MAP2K5: variants seen among roughly 807,000 people sequenced by gnomAD.
The protein encoded by MAP2K5 is mitogen-activated protein kinase kinase 5.
Under a neutral mutation model 83.1 loss-of-function variants are expected in MAP2K5, and 49 were observed. The ratio of observed to expected loss-of-function variants is 0.59; its 90% CI spans 0.47 to 0.75. MAP2K5 has a LOEUF of 0.75. Ranked by LOEUF, MAP2K5 falls within the 30% of genes least tolerant of loss-of-function variation. The pLI is 0.00. For missense variants in MAP2K5, 457 were observed against 557.5 expected (o/e 0.82, Z 1.82); for synonymous variants, 202 against 191.8 (o/e 1.05, Z -0.44).
In MAP2K5 at chr15:67,563,436, A is replaced by G. The variant is rs916192234; in HGVS notation, c.252+86A>G. On this transcript the variant is annotated intron_variant, in intron 3 of 21. Transcript: ENST00000178640. This position sits in a 1 kb window ranked among gnomAD's most constrained non-coding sequence, Gnocchi z 4.5. ...TCTTGGGCATAGTGAAGACGAGTAA[A>G]TAAATCACAGTTGTCATACATTTTT... 5 of 1,483,284 alleles carry G rather than the reference A, an allele frequency of 3.4e-6. No homozygotes were observed. The African/African-American group carries it at 5.6e-5, about 17-fold the overall frequency. 91.9% of individuals were successfully genotyped at this position (1,483,284 alleles called of 1,614,324 possible).
rs765718143 is a variant in MAP2K5 at position 67,592,933 on chromosome 15, A to G, written c.439A>G (p.Lys147Glu). 3 of 1,608,688 alleles carry G rather than the reference A, an allele frequency of 1.9e-6. No homozygotes were observed. The South Asian group carries it at 3.3e-5, about 18-fold the overall frequency. The change falls in exon 7 of 22, where the codon AAG becomes GAG. Residue 147 changes from lysine (K) to glutamate (E), a missense_variant. This residue lies in a region of MAP2K5 where 234 missense variants were observed against 243.6 expected (regional missense o/e 0.96). Coordinates refer to ENST00000178640, the MANE Select transcript of MAP2K5 (RefSeq NM_145160.3). ...ATTATCTTTCCTTTTCAGCTTAAAGAAGTCTTCTGCTGAACTGAAAAAAAT... is the reference window on the plus strand; with the variant it reads ...ATTATCTTTCCTTTTCAGCTTAAAGGAGTCTTCTGCTGAACTGAAAAAAAT... ...SDSLPSNSLK[K>E]SSAELKKILA...
chr15:67,583,952 T>C (rs1171574132), intron 4 of MAP2K5, among the ~76,000 whole-genome samples: 1 of 149,204 alleles, frequency 6.7e-6, no homozygotes, highest in Non-Finnish European at 1.5e-5. Flanking sequence ...TATCACAGTG[T>C]TGCCCAGGCT....
rs1207127602 is a variant in MAP2K5, at chr15:67,698,218, C to G, written c.972+4650C>G. On this transcript the variant is annotated intron_variant, in intron 15 of 21. Transcript: ENST00000178640. The surrounding 1 kb of genome is among the most constrained non-coding windows in gnomAD (Gnocchi z 4.5). ...TATTTTTTTTTTCTTGAGATGAAGTCTCACCCTGTCCCCCAGGCTGGAGTG... is the reference window on the plus strand; with the variant it reads ...TATTTTTTTTTTCTTGAGATGAAGTGTCACCCTGTCCCCCAGGCTGGAGTG... 6.6e-6 allele frequency among the ~76,000 whole-genome samples: 1 copy of G among 151,754 alleles called. No individual in the cohort carries two copies. The highest frequency in any genetic ancestry group is 1.5e-5 in the Non-Finnish European group (1 of 67,966).
chr15:67,763,707 G>T (rs1387424214), intron 19 of MAP2K5, among the ~76,000 whole-genome samples: 1 of 151,888 alleles, frequency 6.6e-6, no homozygotes, highest in African/African-American at 2.4e-5. Context: ...TGCCCTATGG[G>T]TTCTGCCAGT....
chr15:67,751,817 T>C (rs949587495), intron 19 of MAP2K5, among the ~76,000 whole-genome samples: 5 of 152,204 alleles, frequency 3.3e-5, no homozygotes, highest in Admixed American at 3.3e-4. Flanking sequence ...TTTCACTGAA[T>C]TTTACCAACC....
chr15:67,613,908 G>A (rs1387277506), intron 8 of MAP2K5, among the ~76,000 whole-genome samples: 2 of 152,218 alleles, frequency 1.3e-5, no homozygotes, highest in South Asian at 2.1e-4. Context: ...ACTATTTAGT[G>A]TTCTAGAAGA....
chr15:67,653,462 A>G (rs2086998459), intron 11 of MAP2K5, among the ~76,000 whole-genome samples: 1 of 151,728 alleles, frequency 6.6e-6, no homozygotes, highest in Non-Finnish European at 1.5e-5. Flanking sequence ...ATGCCCTGCT[A>G]ATTTTGTATT....
At chr15:67,700,887 A>G (rs2088400507) in intron 15 of MAP2K5, among the ~76,000 whole-genome samples, 1 of 150,262 alleles carries the variant, frequency 6.7e-6, no homozygotes, top group Non-Finnish European at 1.5e-5. Flanking sequence ...CTTATTTGCC[A>G]TCTAGTATCT....
At chr15:67,583,310 T>A (rs2085221275) in intron 4 of MAP2K5, among the ~76,000 whole-genome samples, 1 of 151,878 alleles carries the variant, frequency 6.6e-6, no homozygotes, top group South Asian at 2.1e-4. Flanking sequence ...TGGAGAGGAG[T>A]ATGTTATGGG....
At chr15:67,745,980 G>T (rs556365900) in intron 17 of MAP2K5, among the ~76,000 whole-genome samples, 2 of 152,026 alleles carry the variant, frequency 1.3e-5, no homozygotes, top group African/African-American at 4.8e-5. Context: ...ACCTGATAAC[G>T]TCTCTCTTTA....
intron 8 of MAP2K5, among the ~76,000 whole-genome samples, chr15:67,627,309 C>T (rs2086348721): frequency 6.6e-6 from 1 of 152,220 alleles, no homozygotes; most frequent in African/African-American, 2.4e-5. Flanking sequence ...TTGAGAATAT[C>T]TTTAGACACT....
chr15:67,595,876 A>G (rs898524483), intron 7 of MAP2K5, among the ~76,000 whole-genome samples: 3 of 152,318 alleles, frequency 2.0e-5, no homozygotes, highest in East Asian at 1.9e-4. Flanking sequence ...TTTGAAACTC[A>G]TTAGAAATAG....
chr15:67,597,086 G>A (rs965847294), intron 7 of MAP2K5, among the ~76,000 whole-genome samples: 1 of 151,350 alleles, frequency 6.6e-6, no homozygotes, highest in Non-Finnish European at 1.5e-5. Context: ...GGAGAATGGC[G>A]TGAACCCGGG....
chr15:67,595,137 A>G (rs1318580687), intron 7 of MAP2K5, among the ~76,000 whole-genome samples: 1 of 152,344 alleles, frequency 6.6e-6, no homozygotes. Flanking sequence ...TCATTAAAAG[A>G]AAGGGACATG....
chr15:67,679,120 C>A (rs1174909884), intron 13 of MAP2K5, among the ~76,000 whole-genome samples: 1 of 152,326 alleles, frequency 6.6e-6, no homozygotes, highest in East Asian at 1.9e-4. Context: ...CCAAGGGTAA[C>A]CTCCCACCCT....
At chr15:67,732,584 T>C (rs2089244966) in intron 17 of MAP2K5, among the ~76,000 whole-genome samples, 1 of 152,204 alleles carries the variant, frequency 6.6e-6, no homozygotes. Context: ...GAGCAAATAG[T>C]GCCCCTGGTA....
rs1445551349 is a variant in MAP2K5 at position 67,783,478 on chromosome 15, G to T, written c.1242+10726G>T. Among the ~76,000 whole-genome samples, 1 of 152,138 alleles carries T rather than the reference G, an allele frequency of 6.6e-6. No individual in the cohort carries two copies. The highest frequency in any genetic ancestry group is 1.5e-5 in the Non-Finnish European group (1 of 68,028). ...CTTCTCCACCTCCGAAACCCAACTG[G>T]CACAACCTCTGTGAAGCTTTGCTAA... On this transcript the variant is annotated intron_variant, in intron 21 of 21. Coordinates refer to ENST00000178640, the MANE Select transcript of MAP2K5 (RefSeq NM_145160.3). The surrounding 1 kb of genome is among the most constrained non-coding windows in gnomAD (Gnocchi z 5.1).
At chr15:67,571,582 A>C (rs2084947773) in intron 3 of MAP2K5, among the ~76,000 whole-genome samples, 1 of 150,590 alleles carries the variant, frequency 6.6e-6, no homozygotes, top group Non-Finnish European at 1.5e-5. Context: ...GATTCAAGGC[A>C]CCATTTCCTA....
chr15:67,690,674 C>T lies in MAP2K5; in HGVS notation c.848-1805C>T, dbSNP rs2088085557. On this transcript the variant is annotated intron_variant, in intron 13 of 21. Coordinates refer to ENST00000178640, the MANE Select transcript of MAP2K5 (RefSeq NM_145160.3). The surrounding 1 kb of genome is among the most constrained non-coding windows in gnomAD (Gnocchi z 4.3). ...TCAGCCTCCCGAGTAGCTGAGATTA[C>T]AGGTGTCCGCCACCACGCCCGGCTA... is the stretch of plus-strand genomic sequence containing the variant. Among the ~76,000 whole-genome samples, 1 of 151,904 alleles carries T rather than the reference C, an allele frequency of 6.6e-6. No individual in the cohort carries two copies. Among genetic ancestry groups the T allele is most frequent in the Non-Finnish European group, 1.5e-5 (1 of 67,996 alleles).
Sources: allele counts gnomAD v4.1 joint callset (sites outside exome capture counted in the v4.1 genomes callset), GRCh38; gene constraint gnomAD v4.1.1; regional missense constraint gnomAD v4.1.1; non-coding constraint Gnocchi (gnomAD v3.1); transcripts MANE v1.5; gene names NCBI Gene and HGNC (gene_info 2026-07-23, HGNC 2026-07-21).